CYB5A: variants seen among roughly 807,000 people sequenced by gnomAD.
CYB5A encodes cytochrome b5 type A.
A neutral mutation model predicts 16.2 loss-of-function variants in CYB5A; 10 were observed. The ratio of observed to expected loss-of-function variants is 0.62; its 90% CI spans 0.38 to 1.04. CYB5A has a LOEUF of 1.04. CYB5A is among the 50% of genes least tolerant of loss of function. The pLI is 0.01. For synonymous variants in CYB5A, 62 were observed against 57.0 expected, an observed-to-expected ratio of 1.09 and a Z score of -0.40; for missense variants, 161 against 165.9, an observed-to-expected ratio of 0.97 and a Z score of 0.16.
In CYB5A at chr18:74,253,610, A is replaced by G; in HGVS notation, c.379T>C (p.Tyr127His). The G allele has an allele frequency of 3.7e-6, 6 of 1,613,352 alleles. No homozygotes were observed. Among genetic ancestry groups the G allele is most frequent in the Non-Finnish European group, 5.1e-6 (6 of 1,179,462 alleles). Reference sequence around the variant, plus strand: ...CAGTCCTCTGCCATGTATAGGCGATACATCAAGGCGACGGCCACTGCAGAG... The same window carrying G: ...CAGTCCTCTGCCATGTATAGGCGATGCATCAAGGCGACGGCCACTGCAGAG... ...AISAVAVALM[Y>H]RLYMAED Residue 127 changes from tyrosine to histidine, a missense_variant, in exon 5 of 5, where the codon TAT becomes CAT. Coordinates refer to ENST00000340533, the MANE Select transcript of CYB5A (RefSeq NM_148923.4).
intron 1 of CYB5A, among the ~76,000 whole-genome samples, chr18:74,263,724 T>C (rs993637293): frequency 2.0e-5 from 3 of 149,084 alleles, no homozygotes; most frequent in Admixed American, 6.7e-5. Flanking sequence ...CTGGGCAACA[T>C]TGTGAGACCC....
chr18:74,286,652 C>A lies in CYB5A; in HGVS notation c.129+5095G>T, dbSNP rs984737307. On this transcript the variant is annotated intron_variant, in intron 1 of 4. Transcript: ENST00000340533. ...CTCCATGATATGTCTAAGACCAGGT[C>A]TAGTTTTCCTAACCCCAGCCCAGTG... Among the ~76,000 whole-genome samples, 3 of 152,308 alleles carry A rather than the reference C, an allele frequency of 2.0e-5. No individual in the cohort carries two copies. In the South Asian group the frequency reaches 6.2e-4, roughly 32 times the overall value.
intron 1 of CYB5A, 90 bp from the exon 2 acceptor site, chr18:74,263,567 CTCCTTCAG>C: frequency 8.7e-7 from 1 of 1,154,578 alleles, no homozygotes; most frequent in Non-Finnish European, 1.3e-6. Flanking sequence ...AAACAGGTGA[CTCCTTCAG>C]AAGACACAGA....
chr18:74,263,544 AATTT>A (rs1982303661), intron 1 of CYB5A, 67 bp from the exon 2 acceptor site: 1 of 1,433,710 alleles, frequency 7.0e-7, no homozygotes, highest in South Asian at 1.1e-5. Flanking sequence ...AAACGGCCAG[AATTT>A]ATTTAACCAA....
chr18:74,267,073 A>C (rs1257541122), intron 1 of CYB5A, among the ~76,000 whole-genome samples: 1 of 152,226 alleles, frequency 6.6e-6, no homozygotes, highest in Non-Finnish European at 1.5e-5. Context: ...TTGGCCAAGT[A>C]AACTGAATCT....
intron 1 of CYB5A, among the ~76,000 whole-genome samples, chr18:74,269,044 A>C (rs978220787): frequency 1.3e-5 from 2 of 152,206 alleles, no homozygotes; most frequent in African/African-American, 4.8e-5. Flanking sequence ...GAAAATAAAC[A>C]GGAAATATGC....
At chr18:74,259,991 T>C (rs1982136140) in intron 3 of CYB5A, 2 of 152,236 alleles carry the variant, frequency 1.3e-5, no homozygotes, top group Non-Finnish European at 2.9e-5. Context: ...AAGACTTTTA[T>C]TGTACTATCA....
intron 1 of CYB5A, among the ~76,000 whole-genome samples, chr18:74,289,663 C>A (rs1457332928): frequency 6.6e-6 from 1 of 151,716 alleles, no homozygotes; most frequent in East Asian, 1.9e-4. Flanking sequence ...GTAATCCCAG[C>A]TACTTGGGAG....
rs750209113 is a variant in CYB5A, at chr18:74,291,852, G to A, written c.24C>T (p.Ala8=). Residue 8 remains alanine, a synonymous_variant, in exon 1 of 5, where the codon GCC becomes GCT. Transcript: ENST00000340533. MAEQSDE[A]VKYYTLEEIQ... ...TCTCCTCTAGGGTGTAGTACTTCACGGCCTCGTCCGACTGCTCTGCCATCT... is the reference window on the plus strand; with the variant it reads ...TCTCCTCTAGGGTGTAGTACTTCACAGCCTCGTCCGACTGCTCTGCCATCT... The A allele has an allele frequency of 6.2e-7, 1 of 1,613,442 alleles. No homozygotes were observed. The highest frequency in any genetic ancestry group is 1.7e-5 in the Admixed American group (1 of 60,012).
intron 1 of CYB5A, among the ~76,000 whole-genome samples, chr18:74,271,585 C>A (rs954481261): frequency 6.6e-6 from 1 of 152,154 alleles, no homozygotes; most frequent in Admixed American, 6.5e-5. Context: ...CTTTGATACA[C>A]ATATACATTG....
chr18:74,274,468 T>C lies in CYB5A; in HGVS notation c.130-10991A>G, dbSNP rs1045576200. 3.3e-5 allele frequency among the ~76,000 whole-genome samples: 5 copies of C among 152,312 alleles called. No individual in the cohort carries two copies. The South Asian group carries it at 1.0e-3, about 32-fold the overall frequency. Reference sequence around the variant, plus strand: ...ACTTGATACAGATGATTTCAATAAATAATAAATTCTTAGTGTGAAGGCAAT... The same window carrying C: ...ACTTGATACAGATGATTTCAATAAACAATAAATTCTTAGTGTGAAGGCAAT... On this transcript the variant is annotated intron_variant, in intron 1 of 4. Coordinates refer to ENST00000340533, the MANE Select transcript of CYB5A (RefSeq NM_148923.4).
intron 1 of CYB5A, among the ~76,000 whole-genome samples, chr18:74,281,017 A>C (rs1252497139): frequency 1.4e-4 from 22 of 152,164 alleles, no homozygotes; most frequent in Admixed American, 1.0e-3. Context: ...ACGCGAGAGA[A>C]GATGGAGGCT....
chr18:74,280,113 T>TA (rs1983034900), intron 1 of CYB5A, among the ~76,000 whole-genome samples: 1 of 152,074 alleles, frequency 6.6e-6, no homozygotes, highest in South Asian at 2.1e-4. Context: ...GGTCAGGTGA[T>TA]AGTGTTGAGG....
rs1981833010 is a variant in CYB5A at position 74,253,289 on chromosome 18, C to T, written c.*295G>A. The T allele has an allele frequency of 1.1e-5, 4 of 357,128 alleles. No homozygotes were observed. Among genetic ancestry groups the T allele is most frequent in the East Asian group, 7.1e-5 (1 of 13,992 alleles). The allele number at this position is 357,128 out of a possible 1,614,324, so 22.1% of individuals were successfully genotyped here. Reference sequence around the variant, plus strand: ...CAATTATACACCAAACAGGCAAACACGGTGCATACTTTAAAAGCCAAATAT... The same window carrying T: ...CAATTATACACCAAACAGGCAAACATGGTGCATACTTTAAAAGCCAAATAT... On this transcript the variant is annotated 3_prime_UTR_variant, in exon 5 of 5. Coordinates refer to ENST00000340533, the MANE Select transcript of CYB5A (RefSeq NM_148923.4).
rs1323992592 is a variant in CYB5A at position 74,250,922 on chromosome 18, C to T, written c.*2662G>A. 1.3e-5 allele frequency: 2 copies of T among 152,204 alleles called. No individual in the cohort carries two copies. The highest frequency in any genetic ancestry group is 2.9e-5 in the Non-Finnish European group (2 of 68,072). The allele number at this position is 152,204 out of a possible 1,614,324, so 9.4% of individuals were successfully genotyped here. A position where few individuals can be genotyped will look rare whatever the true frequency, so the allele number is the denominator to read the frequency against. On this transcript the variant is annotated 3_prime_UTR_variant, in exon 5 of 5. Coordinates refer to ENST00000340533, the MANE Select transcript of CYB5A (RefSeq NM_148923.4). ...GTGGCTCATGCCTGTAATTCCAGCA[C>T]TTTGCGAGCCTGAGGCGGGTGGATT... is the stretch of plus-strand genomic sequence containing the variant.
At chr18:74,260,402 C>A in intron 3 of CYB5A, 2 of 222,868 alleles carry the variant, frequency 9.0e-6, no homozygotes, top group Non-Finnish European at 8.9e-6. Flanking sequence ...CTAGTATTGC[C>A]AGAGTTATTT....
rs116589303 is a variant in CYB5A at position 74,256,570 on chromosome 18, T to G, written c.289-795A>C. The G allele has an allele frequency of 4.3e-3, 2,169 of 510,338 alleles. 29 individuals carry two copies. Among genetic ancestry groups the G allele is most frequent in the African/African-American group, 0.033 (1,744 of 52,414 alleles). 31.6% of individuals were successfully genotyped at this position (510,338 alleles called of 1,614,324 possible). A position where few individuals can be genotyped will look rare whatever the true frequency, so the allele number is the denominator to read the frequency against. On this transcript the variant is annotated intron_variant, in intron 3 of 4. Transcript: ENST00000340533. ...AAGGTCTAGTGAAATATCAACTTTTTGGGGCTTGAAAATGGGTTAAGAAGC... is the reference window on the plus strand; with the variant it reads ...AAGGTCTAGTGAAATATCAACTTTTGGGGGCTTGAAAATGGGTTAAGAAGC...
intron 1 of CYB5A, among the ~76,000 whole-genome samples, chr18:74,274,898 G>A (rs17230748): frequency 0.085 from 12,941 of 152,222 alleles, 692 homozygotes; most frequent in South Asian, 0.16. Flanking sequence ...AGAGGCTTCC[G>A]TTCCTGTAAA....
chr18:74,265,995 G>A (rs559153710), intron 1 of CYB5A, among the ~76,000 whole-genome samples: 33 of 152,266 alleles, frequency 2.2e-4, no homozygotes, highest in Admixed American at 3.9e-4. Context: ...CTTCCTCAAC[G>A]GGACTTTGAC....
Sources: allele counts gnomAD v4.1 joint callset (sites outside exome capture counted in the v4.1 genomes callset), GRCh38; gene constraint gnomAD v4.1.1; transcripts MANE v1.5; gene names NCBI Gene and HGNC (gene_info 2026-07-23, HGNC 2026-07-21).